The following TP63 variants were observed in gnomAD, a reference collection of about 807,000 sequenced individuals.
TP63 encodes tumor protein 63.
TP63 carries 17 observed loss-of-function variants against 82.8 expected under a neutral mutation model. The observed-to-expected ratio is 0.21, with a 90% CI of 0.14 to 0.31. TP63 has a LOEUF of 0.31. Among genes scored for constraint, TP63 ranks in the 10% least tolerant of loss-of-function variants. The probability of loss-of-function intolerance (pLI) is 1.00; values close to 1 mark genes in which losing one functional copy is unlikely to be tolerated. For synonymous variants in TP63, 330 were observed against 321.7 expected, an observed-to-expected ratio of 1.03 and a Z score of -0.28; for missense variants, 648 against 895.3, an observed-to-expected ratio of 0.72 and a Z score of 3.52.
intron 4 of TP63, among the ~76,000 whole-genome samples, chr3:189,840,443 T>G (rs1351140865): frequency 6.7e-6 from 1 of 149,454 alleles, no homozygotes; most frequent in African/African-American, 2.5e-5. Context: ...TTAAACACTT[T>G]GTTTTAAAAA....
At chr3:189,840,400 ATTCTT>A (rs956687428) in intron 4 of TP63, among the ~76,000 whole-genome samples, 1 of 17,190 alleles carries the variant, frequency 5.8e-5, no homozygotes, top group Admixed American at 5.3e-4. Context: ...AAATTCTTTT[ATTCTT>A]TTCTTCTCCA....
At position 189,652,718 on chromosome 3, in the gene TP63, G is replaced by C. The variant is rs1048502950; in HGVS notation, c.62+21141G>C. ...GAATTTTAGTTCCCATAATCCCCAC[G>C]TGTCATGGGAGGGATCAGGTGGAGA... On this transcript the variant is annotated intron_variant, in intron 1 of 13. Coordinates refer to ENST00000264731, the MANE Select transcript of TP63 (RefSeq NM_003722.5). Among the ~76,000 whole-genome samples the C allele has an allele frequency of 1.2e-4, 18 of 146,830 alleles. 3 individuals carry two copies. The highest frequency in any genetic ancestry group is 4.6e-4 in the African/African-American group (18 of 39,138).
At chr3:189,780,365 G>A (rs1310842199) in intron 3 of TP63, among the ~76,000 whole-genome samples, 1 of 152,168 alleles carries the variant, frequency 6.6e-6, no homozygotes, top group Non-Finnish European at 1.5e-5. Context: ...AAGTACTCAA[G>A]TTAGATCATC....
chr3:189,720,202 T>G (rs779073680), intron 1 of TP63, among the ~76,000 whole-genome samples: 5 of 152,166 alleles, frequency 3.3e-5, no homozygotes, highest in Non-Finnish European at 7.3e-5. Flanking sequence ...TTCATCTGTC[T>G]TCTCCCTCCA....
intron 3 of TP63, among the ~76,000 whole-genome samples, chr3:189,805,355 C>A (rs1726770022): frequency 6.6e-6 from 1 of 152,186 alleles, no homozygotes. Context: ...AAAGTATGGC[C>A]TCTGTATTTT....
intron 10 of TP63, chr3:189,880,851 G>A: frequency 2.0e-6 from 2 of 985,338 alleles, no homozygotes; most frequent in Non-Finnish European, 2.4e-6. Context: ...TCTTAATGCT[G>A]TGTACCTGCC....
Position 189,753,196 on chromosome 3 carries a change from C to T in TP63, c.324+14422C>T, listed in dbSNP as rs148744780. Among the ~76,000 whole-genome samples, 407 of 152,070 alleles carry T rather than the reference C, an allele frequency of 2.7e-3. 2 individuals carry two copies. The highest frequency in any genetic ancestry group is 4.5e-3 in the Non-Finnish European group (309 of 67,934). On this transcript the variant is annotated intron_variant, in intron 3 of 13. Transcript: ENST00000264731. ...ATTGTGCAGTTCTTTTATATCCATT[C>T]TGATTTTCTGTCTACTAGTTCTATT...
intron 4 of TP63, among the ~76,000 whole-genome samples, chr3:189,809,815 AG>A (rs1479827588): frequency 2.0e-5 from 3 of 152,188 alleles, no homozygotes; most frequent in Non-Finnish European, 4.4e-5. Context: ...TTCTTTGTGA[AG>A]TACCCAGGAC....
At chr3:189,838,436 C>T (rs1023430125) in intron 4 of TP63, among the ~76,000 whole-genome samples, 4 of 152,068 alleles carry the variant, frequency 2.6e-5, no homozygotes, top group Non-Finnish European at 4.4e-5. Flanking sequence ...ATTAAGTTTA[C>T]AAAGAATGCA....
At chr3:189,677,365 TTTATATGTAA>T (rs1715513995) in intron 1 of TP63, among the ~76,000 whole-genome samples, 2 of 72,590 alleles carry the variant, frequency 2.8e-5, no homozygotes, top group Non-Finnish European at 7.8e-5. Context: ...TAATTATATA[TTTATATGTAA>T]ATAATTATAT....
intron 3 of TP63, among the ~76,000 whole-genome samples, chr3:189,786,103 A>G (rs1724580723): frequency 6.6e-6 from 1 of 152,022 alleles, no homozygotes; most frequent in African/African-American, 2.4e-5. Context: ...TGACATCGGT[A>G]TTTTATGAAA....
At chr3:189,740,608 T>C (rs1454544946) in intron 3 of TP63, among the ~76,000 whole-genome samples, 1 of 152,140 alleles carries the variant, frequency 6.6e-6, no homozygotes, top group Non-Finnish European at 1.5e-5. Context: ...CAAGCGATTC[T>C]CCTGCCTCAG....
Position 189,864,255 on chromosome 3 carries a change from C to T in TP63, c.603C>T (p.Leu201=), listed in dbSNP as rs1439829728. Residue 201 remains leucine (L), a synonymous_variant, in exon 5 of 14, where the codon CTC becomes CTT. Transcript: ENST00000264731. ...AGTATTCCACTGAACTGAAGAAACT[C>T]TACTGCCAAATTGCAAAGACATGCC... The part of the protein sequence containing the change: ...TWTYSTELKK[L]YCQIAKTCPI... The T allele has an allele frequency of 4.3e-6, 7 of 1,614,032 alleles. No individual in the cohort carries two copies. Among genetic ancestry groups the T allele is most frequent in the Non-Finnish European group, 5.9e-6 (7 of 1,180,026 alleles).
rs1462645572 is a variant in TP63 at position 189,868,851 on chromosome 3, G to T, written c.1129+135G>T. On this transcript the variant is annotated intron_variant, in intron 8 of 13. Coordinates refer to ENST00000264731, the MANE Select transcript of TP63 (RefSeq NM_003722.5). The stretch of plus-strand genomic sequence containing the variant: ...AGTGGGACGTCAGCCCTCAGAGCCA[G>T]TGAGAATAGGTATAGCATTGAAGTG... 5 of 1,358,082 alleles carry T rather than the reference G, an allele frequency of 3.7e-6. No homozygotes were observed. The African/African-American group carries it at 7.1e-5, about 19-fold the overall frequency. The allele number at this position is 1,358,082 out of a possible 1,614,324, so 84.1% of individuals were successfully genotyped here. A position where few individuals can be genotyped will look rare whatever the true frequency, so the allele number is the denominator to read the frequency against.
intron 4 of TP63, among the ~76,000 whole-genome samples, chr3:189,839,310 G>A (rs191443693): frequency 5.9e-5 from 9 of 152,254 alleles, no homozygotes; most frequent in South Asian, 4.2e-4. Context: ...AATTCCTGCC[G>A]GAAGGACAGT....
chr3:189,660,520 G>C (rs1713780276), intron 1 of TP63, among the ~76,000 whole-genome samples: 2 of 151,910 alleles, frequency 1.3e-5, no homozygotes, highest in South Asian at 4.1e-4. Flanking sequence ...TTGTTCTTTT[G>C]CTTAGGATTG....
At chr3:189,788,184 G>A (rs1409650149) in intron 3 of TP63, among the ~76,000 whole-genome samples, 1 of 149,946 alleles carries the variant, frequency 6.7e-6, no homozygotes. Context: ...TGAATGTTTT[G>A]TCTGATATAA....
At chr3:189,642,567 G>T (rs1711992688) in intron 1 of TP63, among the ~76,000 whole-genome samples, 1 of 151,858 alleles carries the variant, frequency 6.6e-6, no homozygotes, top group African/African-American at 2.4e-5. Flanking sequence ...CATGTATAAA[G>T]AAGAGTGATA....
rs1721441945 is a variant in TP63 at position 189,896,037 on chromosome 3, GA to G, written c.*1538del. On this transcript the variant is annotated 3_prime_UTR_variant, in exon 14 of 14. Coordinates refer to ENST00000264731, the MANE Select transcript of TP63 (RefSeq NM_003722.5). ...AACCACTTAAACGAAGAGTTCCCTT[GA>G]AACTTTGGGAAAACATGTTAATGAC... The G allele has an allele frequency of 8.8e-6, 2 of 228,148 alleles. No individual in the cohort carries two copies. The highest frequency in any genetic ancestry group is 1.7e-5 in the Non-Finnish European group (2 of 114,698). The allele number at this position is 228,148 out of a possible 1,614,324, so 14.1% of individuals were successfully genotyped here.
Sources: allele counts gnomAD v4.1 joint callset (sites outside exome capture counted in the v4.1 genomes callset), GRCh38; gene constraint gnomAD v4.1.1; transcripts MANE v1.5; gene names NCBI Gene and HGNC (gene_info 2026-07-23, HGNC 2026-07-21).